The following ACYP2 variants were observed in gnomAD, a reference collection of about 807,000 sequenced individuals.
ACYP2 encodes the protein acylphosphatase 2.
Under a neutral mutation model 11.2 loss-of-function variants are expected in ACYP2, and 12 were observed. The observed-to-expected ratio is 1.08, with a 90% CI of 0.69 to 1.74. The LOEUF (loss-of-function observed/expected upper bound fraction) is 1.74, where lower values mean the gene tolerates loss of function less well. Ranked by LOEUF, ACYP2 falls within the 40% of genes most tolerant of loss-of-function variation. The probability of loss-of-function intolerance (pLI) is 0.00; values close to 1 mark genes in which losing one functional copy is unlikely to be tolerated. For missense variants in ACYP2, 134 were observed against 101.9 expected, an observed-to-expected ratio of 1.31 and a Z score of -1.35; for synonymous variants, 43 against 32.2, an observed-to-expected ratio of 1.33 and a Z score of -1.13.
chr2:54,159,751 C>T (rs1682623610), intron 6 of ACYP2, among the ~76,000 whole-genome samples: 1 of 152,036 alleles, frequency 6.6e-6, no homozygotes, highest in Non-Finnish European at 1.5e-5. Context: ...GAGTGCTCCT[C>T]CTGCCTTGGG....
chr2:54,299,592 A>AG (rs1491574331), intron 6 of ACYP2, among the ~76,000 whole-genome samples: 8 of 87,586 alleles, frequency 9.1e-5, no homozygotes, highest in African/African-American at 7.4e-4. Flanking sequence ...ACTCTGTCTC[A>AG]AAAAAAAAAA....
chr2:53,997,537 C>G (rs1672630890), intron 2 of ACYP2, among the ~76,000 whole-genome samples: 1 of 139,442 alleles, frequency 7.2e-6, no homozygotes. Flanking sequence ...AACTCCTGAC[C>G]TCAGGTGATC....
intron 4 of ACYP2, among the ~76,000 whole-genome samples, chr2:54,096,083 G>C (rs552424806): frequency 7.2e-6 from 1 of 138,286 alleles, no homozygotes; most frequent in East Asian, 2.2e-4. Flanking sequence ...GGACGGGGTG[G>C]CTGCGGGGCG....
chr2:53,976,890 T>G (rs1399098637), intron 2 of ACYP2, among the ~76,000 whole-genome samples: 1 of 152,210 alleles, frequency 6.6e-6, no homozygotes, highest in Non-Finnish European at 1.5e-5. Context: ...GATGTGGGCT[T>G]CTTTTTGTTT....
intron 2 of ACYP2, among the ~76,000 whole-genome samples, chr2:53,991,173 G>C (rs1672273734): frequency 6.6e-6 from 1 of 152,190 alleles, no homozygotes; most frequent in Non-Finnish European, 1.5e-5. Context: ...GTCATCATCA[G>C]ATGTTGTGAT....
At chr2:54,285,967 C>A (rs1689060711) in intron 6 of ACYP2, among the ~76,000 whole-genome samples, 1 of 152,166 alleles carries the variant, frequency 6.6e-6, no homozygotes, top group South Asian at 2.1e-4. Context: ...CACCTTCAGG[C>A]TTCCTTTATA....
intron 6 of ACYP2, among the ~76,000 whole-genome samples, chr2:54,290,891 C>T (rs948279875): frequency 6.6e-6 from 1 of 152,100 alleles, no homozygotes; most frequent in East Asian, 1.9e-4. Flanking sequence ...CAAAGGCGCT[C>T]GTAAATATTG....
At chr2:54,015,687 AC>A (rs764093354) in intron 2 of ACYP2, among the ~76,000 whole-genome samples, 4,989 of 131,368 alleles carry the variant, frequency 0.038, 114 homozygotes, top group African/African-American at 0.069. Context: ...ACACACACAC[AC>A]GGCAGAATCT....
At chr2:54,205,126 G>C (rs1024962010) in intron 6 of ACYP2, among the ~76,000 whole-genome samples, 3 of 152,176 alleles carry the variant, frequency 2.0e-5, no homozygotes, top group South Asian at 2.1e-4. Flanking sequence ...GAATTGCTAA[G>C]TCCCTTAAAT....
At chr2:54,049,118 A>G (rs10208758) in intron 2 of ACYP2, among the ~76,000 whole-genome samples, 3,882 of 152,136 alleles carry the variant, frequency 0.026, 161 homozygotes, top group African/African-American at 0.089. Flanking sequence ...AAAATTAACC[A>G]GGCGTGGTGG....
intron 6 of ACYP2, among the ~76,000 whole-genome samples, chr2:54,154,979 T>C (rs1682366795): frequency 1.3e-5 from 2 of 152,202 alleles, no homozygotes; most frequent in Non-Finnish European, 2.9e-5. Context: ...TCTGTTCAGA[T>C]TTTCTATATC....
chr2:54,110,358 G>A lies in ACYP2; in HGVS notation c.278-25095G>A, dbSNP rs527459590. 3.9e-5 allele frequency among the ~76,000 whole-genome samples: 6 copies of A among 152,236 alleles called. No homozygotes were observed. In the South Asian group the frequency reaches 1.0e-3, roughly 26 times the overall value. ...TAAGGCCTTTAAAGAATATACCCAC[G>A]ATGCCGTTATCACAGTGACAAAGTT... is the stretch of plus-strand genomic sequence containing the variant. On this transcript the variant is annotated intron_variant, in intron 4 of 6. Coordinates refer to ENST00000607452, the MANE Select transcript of ACYP2 (RefSeq NM_001320586.2).
chr2:54,220,016 C>T (rs1035326340), intron 6 of ACYP2, among the ~76,000 whole-genome samples: 5 of 150,112 alleles, frequency 3.3e-5, no homozygotes, highest in African/African-American at 7.3e-5. Context: ...TGCGGGATTA[C>T]AGGTGCAAGC....
At chr2:54,027,840 T>TC (rs200022029) in intron 2 of ACYP2, among the ~76,000 whole-genome samples, 32 of 134,774 alleles carry the variant, frequency 2.4e-4, no homozygotes, top group Middle Eastern at 3.6e-3. Context: ...TTTCTTTCTT[T>TC]TTTTTTTTTT....
At chr2:54,015,252 T>C (rs889715713) in intron 2 of ACYP2, among the ~76,000 whole-genome samples, 149 of 152,104 alleles carry the variant, frequency 9.8e-4, no homozygotes, top group African/African-American at 3.5e-3. Flanking sequence ...GGCTCACGCC[T>C]GTAATCCCAA....
chr2:54,087,401 A>T (rs2103675215), intron 4 of ACYP2, among the ~76,000 whole-genome samples: 1 of 152,158 alleles, frequency 6.6e-6, no homozygotes, highest in Admixed American at 6.5e-5. Context: ...AGGCTGAATT[A>T]CAGTGGCGCC....
intron 6 of ACYP2, among the ~76,000 whole-genome samples, chr2:54,241,547 T>C (rs1299060165): frequency 6.6e-6 from 1 of 151,896 alleles, no homozygotes; most frequent in Non-Finnish European, 1.5e-5. Context: ...TTGCAGAAAG[T>C]TTTGCAGTTT....
Position 53,981,204 on chromosome 2 carries a change from G to A in ACYP2, c.62+7394G>A, listed in dbSNP as rs369826406. Among the ~76,000 whole-genome samples, 45 of 152,288 alleles carry A rather than the reference G, an allele frequency of 3.0e-4. 2 individuals carry two copies. The East Asian group carries it at 3.9e-3, about 13-fold the overall frequency. On this transcript the variant is annotated intron_variant, in intron 2 of 6. Transcript: ENST00000607452. ...TTGCCTAGAAGTGTTACACAGCCTAGAAGTGTTACCAGTGGAGGGTGTCCA... is the reference window on the plus strand; with the variant it reads ...TTGCCTAGAAGTGTTACACAGCCTAAAAGTGTTACCAGTGGAGGGTGTCCA...
At chr2:54,093,189 C>G (rs1039947633) in intron 4 of ACYP2, among the ~76,000 whole-genome samples, 2 of 152,172 alleles carry the variant, frequency 1.3e-5, no homozygotes, top group African/African-American at 4.8e-5. Context: ...TGCAAATGAG[C>G]TAAGTCCTCC....
Sources: allele counts gnomAD v4.1 joint callset (sites outside exome capture counted in the v4.1 genomes callset), GRCh38; gene constraint gnomAD v4.1.1; transcripts MANE v1.5; gene names NCBI Gene and HGNC (gene_info 2026-07-23, HGNC 2026-07-21).